The following FES variants were observed in gnomAD, a reference collection of about 807,000 sequenced individuals.
FES encodes the protein tyrosine-protein kinase Fes/Fps.
In FES, 83 loss-of-function variants were observed where a neutral mutation model predicts 109.6. The observed-to-expected ratio is 0.76, with a 90% CI of 0.63 to 0.91. FES has a LOEUF of 0.91. Ranked by LOEUF, FES falls within the 40% of genes least tolerant of loss-of-function variation. The probability of loss-of-function intolerance (pLI) is 0.00; values close to 1 mark genes in which losing one functional copy is unlikely to be tolerated. For synonymous variants in FES, 458 were observed against 442.1 expected (o/e 1.04, Z -0.45); for missense variants, 943 against 1,070.9 (o/e 0.88, Z 1.67).
chr15:90,894,157 C>T, intron 18 of FES, 99 bp downstream of exon 18: 5 of 1,409,284 alleles, frequency 3.5e-6, no homozygotes, highest in Admixed American at 3.9e-5. Context: ...TCCCACCAGG[C>T]AGAATAAGAA....
chr15:90,892,831 T>C lies in FES; in HGVS notation c.1826+6T>C. ...AAGTTTCTACAGGAAGCGAGGTGGGTGATAAACTAATGATCACCACGGGTC... is the reference window on the plus strand; with the variant it reads ...AAGTTTCTACAGGAAGCGAGGTGGGCGATAAACTAATGATCACCACGGGTC... On this transcript the variant is annotated splice_donor_region_variant and intron_variant, in intron 14 of 18. Transcript: ENST00000328850. The C allele has an allele frequency of 6.2e-7, 1 of 1,612,032 alleles. No homozygotes were observed.
Position 90,890,977 on chromosome 15 carries a change from C to T in FES, c.1321-5C>T. The T allele has an allele frequency of 1.3e-6, 2 of 1,577,346 alleles. No homozygotes were observed. Among genetic ancestry groups the T allele is most frequent in the Non-Finnish European group, 1.7e-6 (2 of 1,162,094 alleles). ...GTGACTCCTCCTCGATCCTCCCTTGCCCAGCTCCCTCCACCGCTGCAGCTC... is the reference window on the plus strand; with the variant it reads ...GTGACTCCTCCTCGATCCTCCCTTGTCCAGCTCCCTCCACCGCTGCAGCTC... On this transcript the variant is annotated splice_region_variant and splice_polypyrimidine_tract_variant and intron_variant, in intron 10 of 18. Coordinates refer to ENST00000328850, the MANE Select transcript of FES (RefSeq NM_002005.4).
chr15:90,890,218 C>A lies in FES; in HGVS notation c.1176C>A (p.Gly392=), dbSNP rs944143568. The stretch of plus-strand genomic sequence containing the variant: ...TGCAGACCAAGCTGGAGCACCTGGG[C>A]CCCGGCGAGCCCCCGCCTGTGCTGC... ...ELLQTKLEHL[G]PGEPPPVLLL... The change falls in exon 9 of 19, where the codon GGC becomes GGA. Residue 392 remains glycine, a synonymous_variant. Transcript: ENST00000328850. The A allele has an allele frequency of 1.9e-6, 3 of 1,600,344 alleles. No homozygotes were observed. Among genetic ancestry groups the A allele is most frequent in the Non-Finnish European group, 1.7e-6 (2 of 1,178,794 alleles).
Position 90,886,955 on chromosome 15 carries a change from C to T in FES, c.388-6C>T. 6.2e-7 allele frequency: 1 copy of T among 1,614,026 alleles called. No individual in the cohort carries two copies. The highest frequency in any genetic ancestry group is 1.3e-5 in the African/African-American group (1 of 75,068). On this transcript the variant is annotated splice_region_variant and splice_polypyrimidine_tract_variant and intron_variant, in intron 3 of 18. Transcript: ENST00000328850. ...TGCCCCACACTGGCCTCTCCTCTCT[C>T]CCTAGACCCACAGCCAGGACATTGA...
rs1330998147 is a variant in FES, at chr15:90,891,151, G to A, written c.1490G>A (p.Trp497Ter). 1.3e-6 allele frequency: 2 copies of A among 1,569,696 alleles called. No individual in the cohort carries two copies. Among genetic ancestry groups the A allele is most frequent in the Non-Finnish European group, 1.7e-6 (2 of 1,157,318 alleles). Residue 497 changes from tryptophan to a stop codon, truncating the protein, a stop_gained, in exon 11 of 19, where the codon TGG becomes TAG. Transcript: ENST00000328850. LOFTEE classifies it high-confidence loss of function. ...CAGGAGTACGTGCTGTCGGTGCTGT[G>A]GGATGGTCTGCCCCGGCACTTCATC... The part of the protein sequence containing the change: ...GKQEYVLSVL[W>*]DGLPRHFIIQ...
rs11539637 is a variant in FES, at chr15:90,885,060, C to G, written c.15C>G (p.Ser5=). Residue 5 remains serine, a synonymous_variant, in exon 2 of 19, where the codon TCC becomes TCG. Coordinates refer to ENST00000328850, the MANE Select transcript of FES (RefSeq NM_002005.4). MGFS[S]ELCSPQGHGV... ...AGAACAGCACTATGGGCTTCTCTTC[C>G]GAGCTGTGCAGCCCCCAGGGCCACG... 3.1e-6 allele frequency: 5 copies of G among 1,611,558 alleles called. No homozygotes were observed. Among genetic ancestry groups the G allele is most frequent in the African/African-American group, 1.3e-5 (1 of 75,004 alleles).
Position 90,892,139 on chromosome 15 carries a change from T to G in FES, c.1707+28T>G, listed in dbSNP as rs778982859. The G allele has an allele frequency of 1.2e-5, 19 of 1,613,628 alleles. No homozygotes were observed. In the Middle Eastern group the frequency reaches 6.6e-4, roughly 56 times the overall value. Reference sequence around the variant, plus strand: ...GAGTGCGCCTCTGCTGGCCTCCTTGTCGCTGGCGACTTCTCCTGAGTCGCG... The same window carrying G: ...GAGTGCGCCTCTGCTGGCCTCCTTGGCGCTGGCGACTTCTCCTGAGTCGCG... On this transcript the variant is annotated intron_variant, in intron 13 of 18. Transcript: ENST00000328850.
chr15:90,893,003 T>C (rs1483023666), intron 14 of FES, 97 bp from the exon 15 acceptor site: 2 of 1,439,902 alleles, frequency 1.4e-6, no homozygotes, highest in Non-Finnish European at 1.9e-6. Flanking sequence ...CGTCCGGGTC[T>C]GCTGGCCTTG....
chr15:90,894,014 A>C lies in FES; in HGVS notation c.2282A>C (p.Tyr761Ser). 1 of 1,613,866 alleles carries C rather than the reference A, an allele frequency of 6.2e-7. No individual in the cohort carries two copies. The highest frequency in any genetic ancestry group is 2.2e-5 in the East Asian group (1 of 44,872). Residue 761 changes from tyrosine (Y) to serine (S), a missense_variant, in exon 18 of 19, where the codon TAT becomes TCT. Coordinates refer to ENST00000328850, the MANE Select transcript of FES (RefSeq NM_002005.4). ...WETFSLGASPYPNLSNQQTRE... is the reference protein window; with the variant it reads ...WETFSLGASPSPNLSNQQTRE... ...ACCTTCAGCCTGGGGGCCTCCCCCTATCCCAACCTCAGCAATCAGCAGACA... is the reference window on the plus strand; with the variant it reads ...ACCTTCAGCCTGGGGGCCTCCCCCTCTCCCAACCTCAGCAATCAGCAGACA...
chr15:90,890,935 T>C, intron 10 of FES, 47 bp from the exon 11 acceptor site: 1 of 1,532,202 alleles, frequency 6.5e-7, no homozygotes, highest in Non-Finnish European at 8.8e-7. Flanking sequence ...CCACGGCCTC[T>C]TCAACAAGGT....
chr15:90,884,709 C>G, intron 1 of FES, 165 bp downstream of exon 1: 1 of 209,932 alleles, frequency 4.8e-6, no homozygotes. Context: ...GCGCCTGAGG[C>G]TTCAGCTGGG....
intron 1 of FES, 31 bp from the exon 2 acceptor site, chr15:90,885,006 C>T (rs779287485): frequency 1.3e-6 from 2 of 1,546,682 alleles, no homozygotes; most frequent in Non-Finnish European, 1.7e-6. Flanking sequence ...TGCTGCCTTG[C>T]CTCCAGGGAT....
At chr15:90,894,256 C>T (rs953855884) in intron 18 of FES, among the ~76,000 whole-genome samples, 198 bp downstream of exon 18, 1 of 152,030 alleles carries the variant, frequency 6.6e-6, no homozygotes, top group African/African-American at 2.4e-5. Context: ...TCAAGATCAG[C>T]TTGGACAACA....
intron 18 of FES, among the ~76,000 whole-genome samples, chr15:90,894,493 G>A (rs1314065336): frequency 6.6e-6 from 1 of 152,014 alleles, no homozygotes; most frequent in Non-Finnish European, 1.5e-5. Flanking sequence ...GCTGAGGTGG[G>A]AGAATTGCTT....
chr15:90,885,295 A>G (rs1366350711), intron 2 of FES, 37 bp downstream of exon 2: 7 of 1,603,916 alleles, frequency 4.4e-6, no homozygotes, highest in Non-Finnish European at 6.0e-6. Context: ...TGCTGGCTGT[A>G]TCTGCCTTCT....
Position 90,895,707 on chromosome 15 carries a change from T to C in FES, c.*149T>C, listed in dbSNP as rs1374399401. On this transcript the variant is annotated 3_prime_UTR_variant, in exon 19 of 19. Coordinates refer to ENST00000328850, the MANE Select transcript of FES (RefSeq NM_002005.4). The stretch of plus-strand genomic sequence containing the variant: ...CGGCAGGATGCAGCGCCGTGTCCTC[T>C]CTGTGTCCCTGCTGCTGCCAGGGCT... 1.7e-5 allele frequency: 10 copies of C among 598,014 alleles called. No individual in the cohort carries two copies. The highest frequency in any genetic ancestry group is 3.8e-5 in the African/African-American group (2 of 51,966). 37.0% of individuals were successfully genotyped at this position (598,014 alleles called of 1,614,324 possible).
intron 4 of FES, 22 bp from the exon 5 acceptor site, chr15:90,887,165 C>T (rs766254990): frequency 8.1e-6 from 13 of 1,612,100 alleles, no homozygotes; most frequent in Admixed American, 1.7e-5. Flanking sequence ...GTCATCTATA[C>T]CCCTTGCCCC....
intron 9 of FES, 35 bp downstream of exon 9, chr15:90,890,313 C>T (rs763455736): frequency 9.4e-6 from 15 of 1,588,120 alleles, no homozygotes; most frequent in East Asian, 6.7e-5. Context: ...TGCCCGCCAC[C>T]GGCCTGCCCA....
In FES at chr15:90,891,152, G is replaced by A; in HGVS notation, c.1491G>A (p.Trp497Ter). The A allele has an allele frequency of 6.4e-7, 1 of 1,569,822 alleles. No homozygotes were observed. The highest frequency in any genetic ancestry group is 8.6e-7 in the Non-Finnish European group (1 of 1,157,296). Residue 497 changes from tryptophan (W) to a stop codon, truncating the protein, a stop_gained, in exon 11 of 19, where the codon TGG becomes TGA. Transcript: ENST00000328850. LOFTEE classifies it high-confidence loss of function. ...GKQEYVLSVL[W>*]DGLPRHFIIQ... ...AGGAGTACGTGCTGTCGGTGCTGTG[G>A]GATGGTCTGCCCCGGCACTTCATCA...
Sources: gnomAD v4.1 joint callset for allele counts (sites outside exome capture counted in the v4.1 genomes callset) on GRCh38, gnomAD v4.1.1 for gene constraint, MANE v1.5 for transcripts, NCBI Gene and HGNC (gene_info 2026-07-23, HGNC 2026-07-21) for gene names.